PDE10A: variants seen among roughly 807,000 people sequenced by gnomAD.
PDE10A encodes the protein cAMP and cAMP-inhibited cGMP 3',5'-cyclic phosphodiesterase 10A.
In PDE10A, 39 loss-of-function variants were observed where a neutral mutation model predicts 97.7. The ratio of observed to expected loss-of-function variants is 0.40; its 90% CI spans 0.31 to 0.52. The LOEUF (loss-of-function observed/expected upper bound fraction) is 0.52. Ranked by LOEUF, PDE10A falls within the 20% of genes least tolerant of loss-of-function variation. The probability of loss-of-function intolerance (pLI) is 0.56; values close to 1 mark genes in which losing one functional copy is unlikely to be tolerated. For synonymous variants in PDE10A, 371 were observed against 376.8 expected (o/e 0.98, Z 0.18); for missense variants, 731 against 1,047.8 (o/e 0.70, Z 4.17).
At chr6:165,373,388 AAAAC>A (rs1311222248) in intron 18 of PDE10A, among the ~76,000 whole-genome samples, 1 of 152,212 alleles carries the variant, frequency 6.6e-6, no homozygotes, top group Non-Finnish European at 1.5e-5. Context: ...TTACAAGACA[AAAAC>A]AAACAACCCC....
intron 1 of PDE10A, among the ~76,000 whole-genome samples, chr6:165,646,968 G>A (rs1258530555): frequency 6.6e-6 from 1 of 152,162 alleles, no homozygotes; most frequent in African/African-American, 2.4e-5. Flanking sequence ...CTTTGTTTCA[G>A]ATAAAGGCAA....
intron 1 of PDE10A, among the ~76,000 whole-genome samples, chr6:165,806,871 T>C (rs911927718): frequency 1.3e-5 from 2 of 152,222 alleles, no homozygotes; most frequent in African/African-American, 4.8e-5. Context: ...AGGTTGGTCA[T>C]AAAGTAGCAG....
At chr6:165,656,647 C>T (rs184943137) in intron 1 of PDE10A, among the ~76,000 whole-genome samples, 49 of 152,322 alleles carry the variant, frequency 3.2e-4, no homozygotes, top group Middle Eastern at 3.4e-3. Flanking sequence ...CCCCAACCTA[C>T]CACCTGTCCA....
At chr6:165,856,580 T>A (rs190488087) in intron 1 of PDE10A, among the ~76,000 whole-genome samples, 1 of 152,340 alleles carries the variant, frequency 6.6e-6, no homozygotes, top group East Asian at 1.9e-4. Flanking sequence ...AACCACACAC[T>A]TAGGAACTCT....
intron 1 of PDE10A, among the ~76,000 whole-genome samples, chr6:165,933,355 T>A (rs1783206498): frequency 6.6e-6 from 1 of 152,196 alleles, no homozygotes. Context: ...TTAAGCACCT[T>A]GCCTGGTAGC....
Position 165,691,106 on chromosome 6 carries a change from T to TCTCTCC in PDE10A, c.-614-147539_-614-147538insGGAGAG, listed in dbSNP as rs143783728. Among the ~76,000 whole-genome samples the TCTCTCC allele has an allele frequency of 2.7e-3, 104 of 39,124 alleles. 15 individuals are homozygous for TCTCTCC. Among genetic ancestry groups the TCTCTCC allele is most frequent in the African/African-American group, 4.6e-3 (41 of 8,920 alleles). The allele number at this position is 39,124 out of a possible 152,430, so 25.7% of individuals were successfully genotyped here. On this transcript the variant is annotated intron_variant, in intron 1 of 19. Transcript: ENST00000366882. ...CTCTCTCTCTCTCTCTCTTTCTCTC[T>TCTCTCC]CCCCCCCCCCATCAGTGCCTGTGGT... is the stretch of plus-strand genomic sequence containing the variant.
chr6:165,509,985 G>C (rs1272381093), intron 2 of PDE10A, among the ~76,000 whole-genome samples: 10 of 151,912 alleles, frequency 6.6e-5, no homozygotes, highest in Non-Finnish European at 1.2e-4. Flanking sequence ...GGTGTCTTTT[G>C]GTTTTTCTAA....
intron 3 of PDE10A, among the ~76,000 whole-genome samples, chr6:165,454,825 TGTCTAAAC>T (rs1777854848): frequency 6.6e-6 from 1 of 152,224 alleles, no homozygotes; most frequent in Non-Finnish European, 1.5e-5. Context: ...TTTTTTCATT[TGTCTAAAC>T]AGAAAAGTTG....
chr6:165,611,095 T>C (rs1229008017), intron 1 of PDE10A, among the ~76,000 whole-genome samples: 1 of 151,812 alleles, frequency 6.6e-6, no homozygotes, highest in Admixed American at 6.6e-5. Context: ...TCCAATACAT[T>C]TGTTTTTCAA....
At chr6:165,638,109 G>T (rs1788964607) in intron 1 of PDE10A, among the ~76,000 whole-genome samples, 1 of 151,980 alleles carries the variant, frequency 6.6e-6, no homozygotes, top group Admixed American at 6.6e-5. Flanking sequence ...ACTCAACATG[G>T]TATCTAATCA....
intron 1 of PDE10A, chr6:165,545,352 C>G (rs949389170): frequency 2.1e-5 from 7 of 325,808 alleles, no homozygotes; most frequent in African/African-American, 1.6e-4. Context: ...TTATCTCCTT[C>G]TCACTTCTTC....
chr6:165,486,590 C>A (rs188991515), intron 2 of PDE10A, among the ~76,000 whole-genome samples: 1 of 152,292 alleles, frequency 6.6e-6, no homozygotes, highest in Non-Finnish European at 1.5e-5. Context: ...CCTTAACTCA[C>A]GTCTGTTCGC....
chr6:165,622,132 C>T (rs1788168434), intron 1 of PDE10A, among the ~76,000 whole-genome samples: 1 of 152,126 alleles, frequency 6.6e-6, no homozygotes, highest in South Asian at 2.1e-4. Flanking sequence ...TTCCAGCCTG[C>T]TGCTCTGTAG....
intron 20 of PDE10A, 23 bp downstream of exon 20, chr6:165,339,255 C>T (rs368392582): frequency 7.1e-5 from 100 of 1,402,310 alleles, no homozygotes; most frequent in Non-Finnish European, 9.3e-5. Flanking sequence ...TTAGCAATTA[C>T]AATTTACTTT....
At chr6:165,806,638 CT>C (rs1779148195) in intron 1 of PDE10A, among the ~76,000 whole-genome samples, 1 of 140,396 alleles carries the variant, frequency 7.1e-6, no homozygotes, top group Non-Finnish European at 1.6e-5. Flanking sequence ...TGCTGCATGG[CT>C]CTGCTGAGCG....
chr6:165,605,413 T>C (rs12191985), intron 1 of PDE10A, among the ~76,000 whole-genome samples: 18,539 of 152,228 alleles, frequency 0.12, 1,154 homozygotes, highest in Non-Finnish European at 0.14. Context: ...AACTGTGCTC[T>C]GCACTGTTCT....
At chr6:165,875,429 C>T (rs535343801) in intron 1 of PDE10A, among the ~76,000 whole-genome samples, 17 of 152,326 alleles carry the variant, frequency 1.1e-4, no homozygotes, top group Admixed American at 8.5e-4. Flanking sequence ...TGCTGCCCAG[C>T]TTTACGCAGG....
intron 2 of PDE10A, among the ~76,000 whole-genome samples, chr6:165,537,010 C>T (rs1044864264): frequency 1.3e-5 from 2 of 151,998 alleles, no homozygotes; most frequent in African/African-American, 4.8e-5. Flanking sequence ...TATTGCAGCA[C>T]TATTCATAGT....
At chr6:165,525,185 G>C (rs143318816) in intron 2 of PDE10A, among the ~76,000 whole-genome samples, 43 of 152,248 alleles carry the variant, frequency 2.8e-4, no homozygotes, top group African/African-American at 9.6e-4. Flanking sequence ...CACTACACTT[G>C]AACTGTTTGA....
Sources: allele counts gnomAD v4.1 joint callset (sites outside exome capture counted in the v4.1 genomes callset), GRCh38; gene constraint gnomAD v4.1.1; transcripts MANE v1.5; gene names NCBI Gene and HGNC (gene_info 2026-07-23, HGNC 2026-07-21).